The following ELFN1 variants were observed in gnomAD, a reference collection of about 807,000 sequenced individuals.
ELFN1 encodes the protein extracellular leucine rich repeat and fibronectin type III domain containing 1, also known as protein ELFN1.
A neutral mutation model predicts 7.6 loss-of-function variants in ELFN1; 6 were observed. That is an observed-to-expected ratio of 0.79 (90% CI 0.43 to 1.56). The LOEUF is 1.56. Ranked by LOEUF, ELFN1 falls within the 40% of genes most tolerant of loss-of-function variation. The probability of loss-of-function intolerance (pLI) is 0.01; values close to 1 mark genes in which losing one functional copy is unlikely to be tolerated. For missense variants in ELFN1, 1,169 were observed against 1,232.2 expected (o/e 0.95, Z 0.77); for synonymous variants, 657 against 588.1 (o/e 1.12, Z -1.70).
At chr7:1,707,826 T>G (rs1172664401) in intron 2 of ELFN1, among the ~76,000 whole-genome samples, 1 of 152,218 alleles carries the variant, frequency 6.6e-6, no homozygotes, top group East Asian at 1.9e-4. Context: ...CTCATCTATT[T>G]GCACACACAC....
intron 2 of ELFN1, among the ~76,000 whole-genome samples, chr7:1,708,889 A>G (rs931361373): frequency 6.6e-6 from 1 of 152,128 alleles, no homozygotes; most frequent in African/African-American, 2.4e-5. Context: ...CGGCTGGCAC[A>G]TGGCTCTGTG....
intron 3 of ELFN1, among the ~76,000 whole-genome samples, chr7:1,713,526 GC>G (rs1175321367): frequency 6.6e-6 from 1 of 152,188 alleles, no homozygotes; most frequent in Non-Finnish European, 1.5e-5. Flanking sequence ...CCTAGAAGTT[GC>G]TTTTATCCAG....
chr7:1,679,750 C>T (rs1456274689), intron 1 of ELFN1, among the ~76,000 whole-genome samples: 1 of 152,204 alleles, frequency 6.6e-6, no homozygotes, highest in Non-Finnish European at 1.5e-5. Context: ...AGGGTCCCTT[C>T]CCCCTGCCCC....
At chr7:1,712,111 C>T (rs1779673179) in intron 3 of ELFN1, among the ~76,000 whole-genome samples, 1 of 152,212 alleles carries the variant, frequency 6.6e-6, no homozygotes, top group Non-Finnish European at 1.5e-5. Context: ...CGGGCCTTCC[C>T]TCTCTGTGTC....
intron 1 of ELFN1, among the ~76,000 whole-genome samples, chr7:1,681,794 CG>C (rs34893685): frequency 6.6e-6 from 1 of 152,186 alleles, no homozygotes; most frequent in African/African-American, 2.4e-5. Flanking sequence ...GATCTTCAGG[CG>C]GATGTGTAAT....
intron 3 of ELFN1, among the ~76,000 whole-genome samples, chr7:1,736,620 C>T (rs1472205687): frequency 6.6e-6 from 1 of 152,200 alleles, no homozygotes; most frequent in African/African-American, 2.4e-5. Context: ...CTGCAGGGGG[C>T]AGTGTGTGTG....
chr7:1,683,071 T>C (rs1339975901), intron 1 of ELFN1, among the ~76,000 whole-genome samples: 1 of 152,212 alleles, frequency 6.6e-6, no homozygotes, highest in Non-Finnish European at 1.5e-5. Flanking sequence ...GATTTTTGAA[T>C]CTTCTGCTTA....
At chr7:1,686,905 C>G (rs1329393990) in intron 1 of ELFN1, among the ~76,000 whole-genome samples, 2 of 152,094 alleles carry the variant, frequency 1.3e-5, no homozygotes, top group Non-Finnish European at 2.9e-5. Flanking sequence ...TGGTGTATTG[C>G]TGCCCCAGTC....
At chr7:1,672,100 G>A (rs1778779179) in intron 1 of ELFN1, among the ~76,000 whole-genome samples, 1 of 152,194 alleles carries the variant, frequency 6.6e-6, no homozygotes, top group Non-Finnish European at 1.5e-5. Flanking sequence ...AATTCAGGAT[G>A]ATACAGCAGG....
At chr7:1,671,587 A>G (rs1773613493) in intron 1 of ELFN1, among the ~76,000 whole-genome samples, 1 of 152,202 alleles carries the variant, frequency 6.6e-6, no homozygotes, top group Non-Finnish European at 1.5e-5. Context: ...GCTGCCCCCT[A>G]GAGAGGCCCC....
intron 3 of ELFN1, among the ~76,000 whole-genome samples, chr7:1,716,395 G>A (rs533650549): frequency 5.3e-4 from 80 of 152,328 alleles, no homozygotes; most frequent in Non-Finnish European, 8.8e-4. Flanking sequence ...GCATGTGCCC[G>A]GCGAGCCATC....
At chr7:1,710,216 A>T (rs1259006604) in intron 3 of ELFN1, among the ~76,000 whole-genome samples, 1 of 152,200 alleles carries the variant, frequency 6.6e-6, no homozygotes, top group African/African-American at 2.4e-5. Flanking sequence ...GCCAATTCCA[A>T]TGGACCACAA....
At chr7:1,743,053 G>A (rs1379018697) in intron 3 of ELFN1, among the ~76,000 whole-genome samples, 2 of 150,580 alleles carry the variant, frequency 1.3e-5, no homozygotes, top group African/African-American at 2.5e-5. Context: ...AGGTGAGGTC[G>A]CACACCAGGG....
intron 2 of ELFN1, among the ~76,000 whole-genome samples, chr7:1,708,314 C>T (rs1779580722): frequency 6.6e-6 from 1 of 152,226 alleles, no homozygotes. Flanking sequence ...CTGGAGAATC[C>T]TCAGCACCAG....
chr7:1,725,750 GACCC>G (rs1195177809), intron 3 of ELFN1, among the ~76,000 whole-genome samples: 1 of 152,138 alleles, frequency 6.6e-6, no homozygotes, highest in Non-Finnish European at 1.5e-5. Context: ...GCAAGTGGTA[GACCC>G]ATGGCTGGAG....
At chr7:1,671,176 C>A (rs939170323) in intron 1 of ELFN1, among the ~76,000 whole-genome samples, 3 of 151,760 alleles carry the variant, frequency 2.0e-5, no homozygotes, top group Non-Finnish European at 2.9e-5. Flanking sequence ...CACCGCCCCC[C>A]CCCCCATAAA....
intron 3 of ELFN1, among the ~76,000 whole-genome samples, chr7:1,723,795 C>A (rs1780097699): frequency 6.6e-6 from 1 of 152,266 alleles, no homozygotes; most frequent in African/African-American, 2.4e-5. Flanking sequence ...GGAGTGGCCA[C>A]ATGCAGTGCC....
chr7:1,713,411 C>A (rs931158740), intron 3 of ELFN1, among the ~76,000 whole-genome samples: 1 of 152,188 alleles, frequency 6.6e-6, no homozygotes. Context: ...GCATTGTTTC[C>A]GAGATCCCTT....
chr7:1,676,197 T>C (rs979244835), intron 1 of ELFN1, among the ~76,000 whole-genome samples: 1 of 152,124 alleles, frequency 6.6e-6, no homozygotes, highest in African/African-American at 2.4e-5. Context: ...GAACCCCCAG[T>C]CTGTTGTCTC....
Sources: allele counts gnomAD v4.1 joint callset (sites outside exome capture counted in the v4.1 genomes callset), GRCh38; gene constraint gnomAD v4.1.1; transcripts MANE v1.5; gene names NCBI Gene and HGNC (gene_info 2026-07-23, HGNC 2026-07-21).